PLCH1: variants seen among roughly 807,000 people sequenced by gnomAD.
PLCH1 encodes the protein phospholipase C eta 1.
A neutral mutation model predicts 126.7 loss-of-function variants in PLCH1; 60 were observed. That is an observed-to-expected ratio of 0.47 (90% CI 0.38 to 0.59). PLCH1 has a LOEUF of 0.59. Among genes scored for constraint, PLCH1 ranks in the 20% least tolerant of loss-of-function variants. The pLI is 0.00. For missense variants in PLCH1, 1,723 were observed against 2,040.0 expected (o/e 0.84, Z 2.99); for synonymous variants, 719 against 734.9 (o/e 0.98, Z 0.35).
chr3:155,669,559 C>T (rs999914799), intron 2 of PLCH1, among the ~76,000 whole-genome samples: 1 of 152,308 alleles, frequency 6.6e-6, no homozygotes. Flanking sequence ...GCTTGGACAA[C>T]AAAATTTGTA....
intron 11 of PLCH1, among the ~76,000 whole-genome samples, chr3:155,519,098 A>C (rs1720726461): frequency 6.6e-6 from 1 of 152,240 alleles, no homozygotes; most frequent in African/African-American, 2.4e-5. Flanking sequence ...AGAACAAATA[A>C]ATGTGTGGCT....
chr3:155,522,369 T>C (rs1281674216), intron 11 of PLCH1, among the ~76,000 whole-genome samples: 1 of 152,264 alleles, frequency 6.6e-6, no homozygotes, highest in South Asian at 2.1e-4. Context: ...TCTATTTAGA[T>C]TTTCTGTAAC....
At chr3:155,620,960 T>C (rs1485593945) in intron 2 of PLCH1, among the ~76,000 whole-genome samples, 1 of 152,156 alleles carries the variant, frequency 6.6e-6, no homozygotes, top group Non-Finnish European at 1.5e-5. Flanking sequence ...CCATGTATCC[T>C]GACTGGAAGA....
At position 155,466,065 on chromosome 3, in the gene PLCH1, G is replaced by A. The variant is rs1276051334; in HGVS notation, c.2938+19291C>T. ...CACCTAGGGTCTATGAGATTTCACCGCCCTGAAAGGTGGGACCCAGGCATG... is the reference window on the plus strand; with the variant it reads ...CACCTAGGGTCTATGAGATTTCACCACCCTGAAAGGTGGGACCCAGGCATG... On this transcript the variant is annotated intron_variant, in intron 21 of 21. Coordinates refer to the PLCH1 transcript ENST00000494598. 4.6e-5 allele frequency among the ~76,000 whole-genome samples: 7 copies of A among 152,210 alleles called. No individual in the cohort carries two copies. The South Asian group carries it at 1.0e-3, about 23-fold the overall frequency.
chr3:155,659,568 C>T (rs1230319781), intron 2 of PLCH1, among the ~76,000 whole-genome samples: 4 of 151,730 alleles, frequency 2.6e-5, no homozygotes, highest in South Asian at 2.1e-4. Flanking sequence ...AGCATGATCT[C>T]GGCTCACTGC....
chr3:155,679,106 C>T (rs1744308985), intron 2 of PLCH1, among the ~76,000 whole-genome samples: 1 of 152,286 alleles, frequency 6.6e-6, no homozygotes, highest in South Asian at 2.1e-4. Flanking sequence ...ACTGCCTGGC[C>T]TTGGGTCAGT....
At chr3:155,707,036 A>T (rs1746732219) in intron 1 of PLCH1, among the ~76,000 whole-genome samples, 1 of 152,126 alleles carries the variant, frequency 6.6e-6, no homozygotes, top group African/African-American at 2.4e-5. Flanking sequence ...TATGATTAGG[A>T]TTAGGTCCCT....
At position 155,715,235 on chromosome 3, in the gene PLCH1, C is replaced by G. The variant is rs80267367; in HGVS notation, c.-40-10971G>C. ...TAAATCAATCTCACCAGGTATTTGTCAATATTGCTAGCTTTTACAGTAATC... is the reference window on the plus strand; with the variant it reads ...TAAATCAATCTCACCAGGTATTTGTGAATATTGCTAGCTTTTACAGTAATC... On this transcript the variant is annotated intron_variant, in intron 1 of 22. Coordinates refer to ENST00000460012, the MANE Select transcript of PLCH1 (RefSeq NM_014996.4). Among the ~76,000 whole-genome samples, 374 of 152,182 alleles carry G rather than the reference C, an allele frequency of 2.5e-3. 2 individuals are homozygous for G. Among genetic ancestry groups the G allele is most frequent in the African/African-American group, 8.3e-3 (346 of 41,528 alleles).
chr3:155,634,264 C>T (rs1489663351), intron 2 of PLCH1, among the ~76,000 whole-genome samples: 3 of 152,162 alleles, frequency 2.0e-5, no homozygotes, highest in Non-Finnish European at 4.4e-5. Context: ...AACCAAGAAA[C>T]AGCAGCAGCG....
At chr3:155,591,282 C>A (rs951018398) in intron 4 of PLCH1, among the ~76,000 whole-genome samples, 1 of 152,116 alleles carries the variant, frequency 6.6e-6, no homozygotes, top group Non-Finnish European at 1.5e-5. Flanking sequence ...TGTTCAGGTA[C>A]CCAAAAGCCA....
chr3:155,624,340 A>C (rs1292355176), intron 2 of PLCH1, among the ~76,000 whole-genome samples: 4 of 152,156 alleles, frequency 2.6e-5, no homozygotes, highest in Admixed American at 1.3e-4. Flanking sequence ...AAAACCAGCA[A>C]AAGACAAGGA....
chr3:155,506,345 C>CTTTTT (rs57746252), intron 12 of PLCH1, among the ~76,000 whole-genome samples: 4 of 130,698 alleles, frequency 3.1e-5, no homozygotes, highest in African/African-American at 5.9e-5. Flanking sequence ...TTCTCACTCT[C>CTTTTT]TTTTTTTTTT....
rs140510637 is a variant in PLCH1, at chr3:155,524,592, A to G, written c.1363-588T>C. ...GACTGACTAGAAAGCAGACAGTCTG[A>G]ATTAGGGGCAAAATAAGGGGGAGTG... On this transcript the variant is annotated intron_variant, in intron 10 of 22. Coordinates refer to ENST00000460012, the MANE Select transcript of PLCH1 (RefSeq NM_014996.4). Among the ~76,000 whole-genome samples, 1,267 of 152,330 alleles carry G rather than the reference A, an allele frequency of 8.3e-3. 16 individuals are homozygous for G. Among genetic ancestry groups the G allele is most frequent in the Non-Finnish European group, 0.011 (753 of 68,016 alleles).
intron 21 of PLCH1, among the ~76,000 whole-genome samples, chr3:155,452,548 A>G (rs1028156056): frequency 5.9e-5 from 9 of 152,138 alleles, no homozygotes; most frequent in African/African-American, 2.2e-4. Context: ...TCAGTAGTAA[A>G]AAGAGCACTG....
intron 21 of PLCH1, among the ~76,000 whole-genome samples, chr3:155,468,599 C>T (rs919619296): frequency 2.0e-5 from 3 of 152,244 alleles, no homozygotes; most frequent in East Asian, 3.9e-4. Flanking sequence ...ACTATACTTA[C>T]ATCAGACAAA....
intron 2 of PLCH1, among the ~76,000 whole-genome samples, chr3:155,652,332 C>A (rs577109560): frequency 6.6e-6 from 1 of 152,182 alleles, no homozygotes; most frequent in Non-Finnish European, 1.5e-5. Context: ...CACGAAGAAG[C>A]CAGCATCACA....
chr3:155,597,613 T>C (rs934763764), intron 2 of PLCH1, among the ~76,000 whole-genome samples: 3 of 152,168 alleles, frequency 2.0e-5, no homozygotes, highest in Non-Finnish European at 4.4e-5. Flanking sequence ...TCAGCAACAT[T>C]AGACTTCTGC....
intron 21 of PLCH1, among the ~76,000 whole-genome samples, chr3:155,474,245 C>G (rs1157803750): frequency 9.6e-5 from 14 of 145,890 alleles, no homozygotes; most frequent in South Asian, 2.2e-4. Context: ...AAACAAACAA[C>G]CCCATCAAAA....
Position 155,549,780 on chromosome 3 carries a change from T to A in PLCH1, c.1362+7A>T, listed in dbSNP as rs749034051. 1.2e-5 allele frequency: 19 copies of A among 1,599,734 alleles called. No individual in the cohort carries two copies. Among genetic ancestry groups the A allele is most frequent in the Non-Finnish European group, 1.5e-5 (18 of 1,168,040 alleles). ...ATGTCTTTTATTGCATTACTTGAAGTAATTACCTTCACTAGAATTTTGCCT... is the reference window on the plus strand; with the variant it reads ...ATGTCTTTTATTGCATTACTTGAAGAAATTACCTTCACTAGAATTTTGCCT... On this transcript the variant is annotated splice_region_variant and intron_variant, in intron 10 of 22. Transcript: ENST00000460012.
Sources: gnomAD v4.1 joint callset for allele counts (sites outside exome capture counted in the v4.1 genomes callset) on GRCh38, gnomAD v4.1.1 for gene constraint, MANE v1.5 for transcripts, NCBI Gene and HGNC (gene_info 2026-07-23, HGNC 2026-07-21) for gene names.